Variants in KIDINS220 observed in about 807,000 individuals in gnomAD.
The protein encoded by KIDINS220 is kinase D-interacting substrate of 220 kDa.
Under a neutral mutation model 157.6 loss-of-function variants are expected in KIDINS220, and 63 were observed. That is an observed-to-expected ratio of 0.40 (90% CI 0.33 to 0.49). KIDINS220 has a LOEUF of 0.49. Among genes scored for constraint, KIDINS220 ranks in the 20% least tolerant of loss-of-function variants. The probability of loss-of-function intolerance (pLI) is 0.66; values close to 1 mark genes in which losing one functional copy is unlikely to be tolerated. For synonymous variants in KIDINS220, 732 were observed against 783.6 expected (o/e 0.93, Z 1.10); for missense variants, 1,772 against 2,171.2 (o/e 0.82, Z 3.65).
intron 22 of KIDINS220, among the ~76,000 whole-genome samples, chr2:8,769,853 C>T (rs1268898013): frequency 6.6e-6 from 1 of 152,166 alleles, no homozygotes; most frequent in Non-Finnish European, 1.5e-5. Flanking sequence ...TACATCACTG[C>T]ATCTACTGGA....
rs189333410 is a variant in KIDINS220 at position 8,791,430 on chromosome 2, G to A, written c.1277-206C>T. On this transcript the variant is annotated intron_variant, in intron 12 of 29. Transcript: ENST00000256707. ...ATTCAGAGATTCTTAAATTACTATCGTATTTCATAAAAAGTTTCAGATATT... is the reference window on the plus strand; with the variant it reads ...ATTCAGAGATTCTTAAATTACTATCATATTTCATAAAAAGTTTCAGATATT... Among the ~76,000 whole-genome samples the A allele has an allele frequency of 3.9e-5, 6 of 152,148 alleles. No individual in the cohort carries two copies. In the East Asian group the frequency reaches 9.6e-4, roughly 24 times the overall value.
chr2:8,727,759 A>G (rs1663482955), downstream of KIDINS220, among the ~76,000 whole-genome samples: 1 of 152,242 alleles, frequency 6.6e-6, no homozygotes, highest in Admixed American at 6.5e-5. Context: ...ATAAACCCAT[A>G]TAAGTAAAAT....
intron 2 of KIDINS220, among the ~76,000 whole-genome samples, chr2:8,819,911 A>G (rs1408111560): frequency 2.0e-5 from 3 of 152,236 alleles, no homozygotes; most frequent in African/African-American, 7.2e-5. Context: ...ACACTAAGGC[A>G]TATGAGAAAA....
chr2:8,721,966 C>T (rs1421108748), downstream of KIDINS220: 1 of 152,108 alleles, frequency 6.6e-6, no homozygotes, highest in Non-Finnish European at 1.5e-5. Flanking sequence ...TAGTAAGTAT[C>T]CAAAATGAGT....
intron 26 of KIDINS220, among the ~76,000 whole-genome samples, chr2:8,741,969 C>G: frequency 6.6e-6 from 1 of 152,176 alleles, no homozygotes; most frequent in Non-Finnish European, 1.5e-5. Context: ...ACAGGGAGGA[C>G]CTGTCCTGAG....
At chr2:8,750,521 C>T (rs12622067) in intron 23 of KIDINS220, among the ~76,000 whole-genome samples, 186 bp from the exon 24 acceptor site, 1,708 of 152,220 alleles carry the variant, frequency 0.011, 20 homozygotes, top group East Asian at 0.051. Flanking sequence ...GTGAGAAATG[C>T]CCAGCTACTT....
intron 24 of KIDINS220, among the ~76,000 whole-genome samples, chr2:8,748,956 G>A (rs552639199): frequency 2.6e-5 from 4 of 152,146 alleles, no homozygotes; most frequent in Admixed American, 2.6e-4. Flanking sequence ...TTTTCAGTTG[G>A]TATCAACGGA....
At chr2:8,828,452 G>A (rs1679149978) in intron 1 of KIDINS220, among the ~76,000 whole-genome samples, 1 of 152,188 alleles carries the variant, frequency 6.6e-6, no homozygotes, top group African/African-American at 2.4e-5. Context: ...CTTATTGTCT[G>A]TCTACCATAA....
downstream of KIDINS220, among the ~76,000 whole-genome samples, chr2:8,728,097 C>G (rs150662609): frequency 6.2e-3 from 938 of 152,264 alleles, 15 homozygotes; most frequent in African/African-American, 0.021. Flanking sequence ...AATCCCAGGC[C>G]TTTGGGAGGC....
intron 22 of KIDINS220, among the ~76,000 whole-genome samples, chr2:8,753,035 G>T (rs72786328): frequency 2.0e-5 from 3 of 152,050 alleles, no homozygotes; most frequent in Non-Finnish European, 4.4e-5. Context: ...GTCAAAAATG[G>T]TCAAATGTTG....
rs1668441628 is a variant in KIDINS220, at chr2:8,759,272, T to C, written c.3012-7628A>G. ...TAAGGACGGTGTGATTAGGGTTAAA[T>C]AGTGCAAACCATAAAAGCACTTGTA... is the stretch of plus-strand genomic sequence containing the variant. On this transcript the variant is annotated intron_variant, in intron 22 of 29. Transcript: ENST00000256707. 2.6e-5 allele frequency among the ~76,000 whole-genome samples: 4 copies of C among 152,124 alleles called. No individual in the cohort carries two copies. The South Asian group carries it at 8.3e-4, about 32-fold the overall frequency.
chr2:8,727,222 A>G, downstream of KIDINS220: 3 of 1,125,756 alleles, frequency 2.7e-6, no homozygotes, highest in South Asian at 6.3e-5. Context: ...GCAAAAGAAC[A>G]GTATCCCCAC....
chr2:8,741,218 A>G (rs984007905), intron 26 of KIDINS220, among the ~76,000 whole-genome samples: 1 of 152,230 alleles, frequency 6.6e-6, no homozygotes, highest in Non-Finnish European at 1.5e-5. Context: ...AAGAAATACT[A>G]GGTCAAAGCT....
intron 25 of KIDINS220, 140 bp downstream of exon 25, chr2:8,747,745 TTA>T (rs1666783597): frequency 2.3e-6 from 1 of 439,484 alleles, no homozygotes; most frequent in Admixed American, 4.3e-5. Flanking sequence ...TAAATACATT[TTA>T]TGTTAGTAAT....
intron 22 of KIDINS220, 136 bp from the exon 23 acceptor site, chr2:8,751,780 A>T: frequency 1.6e-6 from 1 of 631,168 alleles, no homozygotes; most frequent in South Asian, 2.0e-5. Flanking sequence ...ACATCGGCTC[A>T]CTGCAACCTC....
chr2:8,781,436 T>C (rs1671716856), intron 17 of KIDINS220, among the ~76,000 whole-genome samples: 1 of 151,450 alleles, frequency 6.6e-6, no homozygotes, highest in African/African-American at 2.4e-5. Context: ...TACACTTATT[T>C]CATCCAAAAA....
chr2:8,786,906 T>C (rs962603057), intron 15 of KIDINS220, among the ~76,000 whole-genome samples: 1 of 152,262 alleles, frequency 6.6e-6, no homozygotes, highest in African/African-American at 2.4e-5. Flanking sequence ...TAAAATATTC[T>C]CTTCACAATT....
chr2:8,731,936 T>A lies in KIDINS220; in HGVS notation c.4100A>T (p.Asp1367Val). ...AAGCTTTGAAATTTCAATACTGGAA[T>A]CCTGGGAATTGAGACTCGAAAGACT... The part of the protein sequence containing the change: ...TPSLSSLNSQ[D>V]SSIEISKLTD... Residue 1367 changes from aspartate (D) to valine (V), a missense_variant, in exon 30 of 30, where the codon GAT becomes GTT. By Grantham distance (152) the Asp-to-Val change is radical. Coordinates refer to ENST00000256707, the MANE Select transcript of KIDINS220 (RefSeq NM_020738.4). The surrounding 1 kb of genome is among the most constrained non-coding windows in gnomAD (Gnocchi z 5.2). 6.2e-7 allele frequency: 1 copy of A among 1,608,464 alleles called. No homozygotes were observed. Among genetic ancestry groups the A allele is most frequent in the Non-Finnish European group, 8.5e-7 (1 of 1,177,188 alleles).
intron 22 of KIDINS220, among the ~76,000 whole-genome samples, chr2:8,769,493 T>C (rs1003037865): frequency 2.6e-5 from 4 of 152,164 alleles, no homozygotes; most frequent in African/African-American, 7.2e-5. Flanking sequence ...AACAACAATC[T>C]TGAGGATAGA....
Sources: gnomAD v4.1 joint callset for allele counts (sites outside exome capture counted in the v4.1 genomes callset) on GRCh38, gnomAD v4.1.1 for gene constraint, Gnocchi (gnomAD v3.1) non-coding constraint, MANE v1.5 for transcripts, NCBI Gene and HGNC (gene_info 2026-07-23, HGNC 2026-07-21) for gene names.